TNFSF4: variants seen among roughly 807,000 people sequenced by gnomAD.
TNFSF4 encodes TNF superfamily member 4.
A neutral mutation model predicts 7.3 loss-of-function variants in TNFSF4; 4 were observed. The ratio of observed to expected loss-of-function variants is 0.55; its 90% CI spans 0.27 to 1.25. The LOEUF is 1.25. TNFSF4 is among the 50% of genes most tolerant of loss of function. TNFSF4 has a pLI of 0.12. For missense variants in TNFSF4, 181 were observed against 208.8 expected (o/e 0.87, Z 0.82); for synonymous variants, 76 against 83.7 (o/e 0.91, Z 0.50).
the TNFSF4 span, among the ~76,000 whole-genome samples, chr1:173,215,299 C>T: frequency 6.6e-6 from 1 of 151,998 alleles, no homozygotes; most frequent in Non-Finnish European, 1.5e-5. Context: ...TTTAAGCACC[C>T]ACATTATGGG....
chr1:173,378,956 TC>T, the TNFSF4 span, among the ~76,000 whole-genome samples: 3 of 151,584 alleles, frequency 2.0e-5, no homozygotes, highest in Non-Finnish European at 4.4e-5. Flanking sequence ...CGAGTACATG[TC>T]CCCTTCTCCC....
chr1:173,381,538 C>T, the TNFSF4 span, among the ~76,000 whole-genome samples: 36 of 152,296 alleles, frequency 2.4e-4, no homozygotes, highest in South Asian at 6.2e-4. Context: ...AAGCTACAGA[C>T]GGTCTTACAA....
chr1:173,394,959 C>G, the TNFSF4 span, among the ~76,000 whole-genome samples: 2 of 147,584 alleles, frequency 1.4e-5, no homozygotes, highest in Non-Finnish European at 3.0e-5. Context: ...GACAGACAGA[C>G]AGACAGACAG....
At chr1:173,388,557 T>TGTTCTTCAGAGGCAC in the TNFSF4 span, among the ~76,000 whole-genome samples, 1 of 152,336 alleles carries the variant, frequency 6.6e-6, no homozygotes, top group Middle Eastern at 3.4e-3. Flanking sequence ...TGCACAATAG[T>TGTTCTTCAGAGGCAC]GTTCTTCAGA....
At chr1:173,199,244 T>C (rs147021405) in intron 1 of TNFSF4, among the ~76,000 whole-genome samples, 98 of 152,312 alleles carry the variant, frequency 6.4e-4, no homozygotes, top group African/African-American at 2.2e-3. Context: ...TCCATAAACA[T>C]TGCTGAATAA....
the TNFSF4 span, among the ~76,000 whole-genome samples, chr1:173,256,144 A>C: frequency 2.6e-5 from 4 of 152,226 alleles, no homozygotes; most frequent in African/African-American, 9.6e-5. Context: ...GTTCACAAAC[A>C]AAAACATGGT....
the TNFSF4 span, among the ~76,000 whole-genome samples, chr1:173,389,758 T>C: frequency 6.6e-6 from 1 of 152,190 alleles, no homozygotes; most frequent in East Asian, 1.9e-4. Context: ...GCTGATTCTC[T>C]TTTTAGCTGC....
chr1:173,270,216 A>G, the TNFSF4 span, among the ~76,000 whole-genome samples: 2 of 152,172 alleles, frequency 1.3e-5, no homozygotes, highest in Non-Finnish European at 2.9e-5. Context: ...TTTGGAACTT[A>G]TAAGTTTCAC....
At chr1:173,442,263 C>T in the TNFSF4 span, among the ~76,000 whole-genome samples, 9 of 152,076 alleles carry the variant, frequency 5.9e-5, no homozygotes, top group Admixed American at 5.2e-4. Flanking sequence ...ATAGTATTCC[C>T]ACCACACAGA....
At chr1:173,270,471 T>C in the TNFSF4 span, among the ~76,000 whole-genome samples, 1 of 151,732 alleles carries the variant, frequency 6.6e-6, no homozygotes, top group Non-Finnish European at 1.5e-5. Context: ...AGGGTGAGGA[T>C]TGGGAACGAA....
At chr1:173,196,500 C>T (rs1020345087) in intron 1 of TNFSF4, among the ~76,000 whole-genome samples, 1 of 152,178 alleles carries the variant, frequency 6.6e-6, no homozygotes, top group African/African-American at 2.4e-5. Context: ...AGCCACCTCT[C>T]TCTCTAACCA....
At chr1:173,295,231 G>A in the TNFSF4 span, among the ~76,000 whole-genome samples, 71 of 151,812 alleles carry the variant, frequency 4.7e-4, no homozygotes, top group Non-Finnish European at 7.9e-4. Context: ...ACAATTCCAC[G>A]TCTAAGTAAT....
At chr1:173,273,063 C>T in the TNFSF4 span, among the ~76,000 whole-genome samples, 5 of 152,266 alleles carry the variant, frequency 3.3e-5, no homozygotes, top group South Asian at 8.3e-4. Flanking sequence ...CATCAGTCTT[C>T]CTCAATTAGG....
At chr1:173,416,745 C>G in the TNFSF4 span, among the ~76,000 whole-genome samples, 5 of 151,884 alleles carry the variant, frequency 3.3e-5, no homozygotes, top group South Asian at 1.0e-3. Flanking sequence ...CACAGATGTG[C>G]GCCAGCATGC....
chr1:173,270,478 C>T, the TNFSF4 span, among the ~76,000 whole-genome samples: 1,502 of 151,642 alleles, frequency 9.9e-3, 18 homozygotes, highest in Middle Eastern at 0.044. Flanking sequence ...GGATTGGGAA[C>T]GAAAGATTTG....
chr1:173,377,501 C>T, the TNFSF4 span, among the ~76,000 whole-genome samples: 3 of 152,212 alleles, frequency 2.0e-5, no homozygotes, highest in Admixed American at 6.5e-5. Flanking sequence ...CTCAAAGTCA[C>T]GACGCCCAAG....
At chr1:173,252,034 A>G in the TNFSF4 span, among the ~76,000 whole-genome samples, 11 of 152,264 alleles carry the variant, frequency 7.2e-5, no homozygotes, top group East Asian at 2.1e-3. Flanking sequence ...TTAGTTGGCT[A>G]ACTAGATCAA....
the TNFSF4 span, among the ~76,000 whole-genome samples, chr1:173,326,300 T>G: frequency 8.5e-5 from 13 of 152,156 alleles, no homozygotes; most frequent in Admixed American, 2.0e-4. Context: ...GAAAAGGCCT[T>G]TGACAAAATT....
the TNFSF4 span, among the ~76,000 whole-genome samples, chr1:173,291,296 G>A: frequency 6.6e-6 from 1 of 152,116 alleles, no homozygotes; most frequent in Non-Finnish European, 1.5e-5. Context: ...CAAGGGGATG[G>A]TGCTAAATCA....
Sources: allele counts gnomAD v4.1 joint callset (sites outside exome capture counted in the v4.1 genomes callset), GRCh38; gene constraint gnomAD v4.1.1; transcripts MANE v1.5; gene names NCBI Gene and HGNC (gene_info 2026-07-23, HGNC 2026-07-21).